The following CTNND2 variants were observed in gnomAD, a reference collection of about 807,000 sequenced individuals.
CTNND2 encodes catenin delta-2.
In CTNND2, 22 loss-of-function variants were observed where a neutral mutation model predicts 144.4. The observed-to-expected ratio is 0.15, with a 90% CI of 0.11 to 0.22. CTNND2 has a LOEUF of 0.22. CTNND2 is among the 10% of genes least tolerant of loss of function. CTNND2 has a pLI of 1.00. For missense variants in CTNND2, 1,353 were observed against 1,618.8 expected (o/e 0.84, Z 2.82); for synonymous variants, 751 against 695.6 (o/e 1.08, Z -1.25).
intron 6 of CTNND2, among the ~76,000 whole-genome samples, chr5:11,386,213 G>A (rs1330914686): frequency 2.0e-5 from 3 of 152,176 alleles, no homozygotes; most frequent in Non-Finnish European, 4.4e-5. Flanking sequence ...TCCCCGGGGA[G>A]CAGAGAGGAT....
intron 2 of CTNND2, among the ~76,000 whole-genome samples, chr5:11,654,873 T>C (rs1782830478): frequency 6.6e-6 from 1 of 152,190 alleles, no homozygotes; most frequent in Non-Finnish European, 1.5e-5. Flanking sequence ...TCAAGGATGA[T>C]GTTAGTTGCA....
chr5:11,268,080 G>T (rs1232601947), intron 9 of CTNND2, among the ~76,000 whole-genome samples: 3 of 152,354 alleles, frequency 2.0e-5, no homozygotes, highest in South Asian at 2.1e-4. Flanking sequence ...AAGAGACCTT[G>T]AAAGAAGTAG....
At chr5:11,667,882 G>GT (rs1247032737) in intron 2 of CTNND2, among the ~76,000 whole-genome samples, 3 of 152,158 alleles carry the variant, frequency 2.0e-5, no homozygotes, top group African/African-American at 7.2e-5. Context: ...TTTATTCTAG[G>GT]TTTTTATGGT....
chr5:11,673,389 T>C (rs911792640), intron 2 of CTNND2, among the ~76,000 whole-genome samples: 8 of 152,206 alleles, frequency 5.3e-5, no homozygotes, highest in Non-Finnish European at 7.3e-5. Context: ...AATCCCAATA[T>C]GTTATAAATG....
At chr5:11,818,382 TTTTC>T (rs1793130736) in intron 1 of CTNND2, among the ~76,000 whole-genome samples, 1 of 151,754 alleles carries the variant, frequency 6.6e-6, no homozygotes, top group Non-Finnish European at 1.5e-5. Context: ...TTTTTTCTTC[TTTTC>T]TTTTTTTTTT....
chr5:11,745,876 C>T (rs1788281778), intron 1 of CTNND2, among the ~76,000 whole-genome samples: 1 of 152,016 alleles, frequency 6.6e-6, no homozygotes, highest in Non-Finnish European at 1.5e-5. Context: ...AACTCATGGC[C>T]CAATTACACA....
chr5:11,583,253 T>C (rs538634208), intron 2 of CTNND2, among the ~76,000 whole-genome samples: 78 of 152,354 alleles, frequency 5.1e-4, no homozygotes, highest in African/African-American at 1.8e-3. Context: ...AGCTCCATGC[T>C]GATCAGTGGC....
intron 11 of CTNND2, among the ~76,000 whole-genome samples, chr5:11,183,520 T>C (rs956608023): frequency 1.3e-5 from 2 of 151,676 alleles, no homozygotes; most frequent in Admixed American, 1.3e-4. Flanking sequence ...AAGGCCCCAC[T>C]GCTAAAGAAG....
intron 2 of CTNND2, among the ~76,000 whole-genome samples, chr5:11,679,386 T>G (rs906667856): frequency 2.0e-5 from 3 of 152,194 alleles, no homozygotes; most frequent in Non-Finnish European, 4.4e-5. Flanking sequence ...CTGATGCTTG[T>G]ATCTCTATCA....
intron 15 of CTNND2, chr5:11,083,951 C>G: frequency 8.9e-7 from 1 of 1,125,156 alleles, no homozygotes; most frequent in Non-Finnish European, 1.1e-6. Flanking sequence ...ATCCTCAGCC[C>G]AGCCCTGCAT....
intron 1 of CTNND2, among the ~76,000 whole-genome samples, chr5:11,784,658 G>T (rs1790734784): frequency 6.6e-6 from 1 of 152,158 alleles, no homozygotes; most frequent in Admixed American, 6.5e-5. Flanking sequence ...CAAGTGAACT[G>T]GTTTTAAAAA....
chr5:11,642,963 A>G (rs1421236794), intron 2 of CTNND2, among the ~76,000 whole-genome samples: 1 of 152,176 alleles, frequency 6.6e-6, no homozygotes, highest in African/African-American at 2.4e-5. Context: ...AGAAGTCTGT[A>G]GCGGTCCAGA....
At chr5:11,602,736 T>G (rs905306287) in intron 2 of CTNND2, among the ~76,000 whole-genome samples, 4 of 146,152 alleles carry the variant, frequency 2.7e-5, no homozygotes, top group African/African-American at 9.9e-5. Flanking sequence ...ATATGTAATA[T>G]AAATATTATA....
chr5:11,774,567 A>T (rs970268934), intron 1 of CTNND2, among the ~76,000 whole-genome samples: 8 of 150,168 alleles, frequency 5.3e-5, no homozygotes, highest in African/African-American at 7.3e-5. Context: ...AAATTAAAAA[A>T]AAAAACAATG....
In CTNND2 at chr5:11,081,684, TA is replaced by T. The variant is rs1401561556; in HGVS notation, c.2788+1011del. Among the ~76,000 whole-genome samples the T allele has an allele frequency of 5.3e-5, 8 of 152,334 alleles. No individual in the cohort carries two copies. In the East Asian group the frequency reaches 1.4e-3, roughly 26 times the overall value. On this transcript the variant is annotated intron_variant, in intron 16 of 21. Transcript: ENST00000304623. ...TGTCTATGATTATAACTTACTAGTT[TA>T]CCATTAAAGAAACATAATCCTTATG...
At chr5:11,311,198 C>A (rs1750792419) in intron 9 of CTNND2, among the ~76,000 whole-genome samples, 1 of 149,112 alleles carries the variant, frequency 6.7e-6, no homozygotes, top group East Asian at 2.0e-4. Flanking sequence ...TCCCCATACA[C>A]CCTCACCCCA....
chr5:11,554,178 T>C (rs1776016802), intron 3 of CTNND2, among the ~76,000 whole-genome samples: 1 of 152,200 alleles, frequency 6.6e-6, no homozygotes, highest in African/African-American at 2.4e-5. Flanking sequence ...AAGGTAATTA[T>C]ACTAATGATA....
At chr5:11,135,298 G>T (rs909800857) in intron 12 of CTNND2, among the ~76,000 whole-genome samples, 7 of 152,168 alleles carry the variant, frequency 4.6e-5, no homozygotes, top group Non-Finnish European at 8.8e-5. Context: ...GTACTCCATA[G>T]AAATAATCTA....
chr5:11,106,580 CA>C (rs2149678498), intron 14 of CTNND2, among the ~76,000 whole-genome samples: 1 of 152,320 alleles, frequency 6.6e-6, no homozygotes, highest in Non-Finnish European at 1.5e-5. Context: ...AGGGAATGTA[CA>C]GGTAATGAAA....
Sources: allele counts gnomAD v4.1 joint callset (sites outside exome capture counted in the v4.1 genomes callset), GRCh38; gene constraint gnomAD v4.1.1; transcripts MANE v1.5; gene names NCBI Gene and HGNC (gene_info 2026-07-23, HGNC 2026-07-21).